Variants in NFIA observed in about 807,000 individuals in gnomAD.
The protein encoded by NFIA is nuclear factor 1 A-type.
A neutral mutation model predicts 62.8 loss-of-function variants in NFIA; 8 were observed. That is an observed-to-expected ratio of 0.13 (90% CI 0.07 to 0.23). The LOEUF is 0.23. NFIA is among the 10% of genes least tolerant of loss of function. NFIA has a pLI of 1.00. For missense variants in NFIA, 410 were observed against 642.1 expected (o/e 0.64, Z 3.91); for synonymous variants, 235 against 238.1 (o/e 0.99, Z 0.12).
intron 2 of NFIA, among the ~76,000 whole-genome samples, chr1:61,134,438 TGTAGTGGAAA>T (rs1427251904): frequency 6.6e-6 from 1 of 152,188 alleles, no homozygotes; most frequent in Non-Finnish European, 1.5e-5. Context: ...TGAGTCAGGC[TGTAGTGGAAA>T]GCGGGGTCTG....
intron 9 of NFIA, among the ~76,000 whole-genome samples, chr1:61,409,330 G>A (rs935089840): frequency 6.6e-6 from 1 of 152,162 alleles, no homozygotes; most frequent in Admixed American, 6.5e-5. Flanking sequence ...TCAGCTAAAG[G>A]CTTTTCTAGG....
At chr1:61,155,429 T>C (rs1311436403) in intron 2 of NFIA, among the ~76,000 whole-genome samples, 2 of 151,028 alleles carry the variant, frequency 1.3e-5, no homozygotes, top group African/African-American at 4.9e-5. Context: ...ATCCCAGCAC[T>C]TTGGGAGGCC....
chr1:61,449,615 T>C (rs555794539), intron 10 of NFIA, among the ~76,000 whole-genome samples: 1 of 152,180 alleles, frequency 6.6e-6, no homozygotes, highest in South Asian at 2.1e-4. Context: ...CTTTGGGGGA[T>C]CCGGAAGAAG....
chr1:61,242,517 A>G (rs1456324807), intron 2 of NFIA, among the ~76,000 whole-genome samples: 1 of 152,216 alleles, frequency 6.6e-6, no homozygotes, highest in Non-Finnish European at 1.5e-5. Flanking sequence ...TACTAAACTA[A>G]GTTGAAAATG....
intron 2 of NFIA, among the ~76,000 whole-genome samples, chr1:61,257,885 C>CT (rs58230415): frequency 0.28 from 31,909 of 115,298 alleles, 4,175 homozygotes; most frequent in Middle Eastern, 0.35. Flanking sequence ...TTCTTTTTTT[C>CT]TTTTTTTTTT....
chr1:61,422,746 TA>T (rs55752729), intron 9 of NFIA, among the ~76,000 whole-genome samples: 147 of 135,560 alleles, frequency 1.1e-3, no homozygotes, highest in Non-Finnish European at 9.6e-4. Flanking sequence ...CGTCTCTATT[TA>T]AAAAAAAAAA....
At chr1:61,176,528 T>C (rs563818940) in intron 2 of NFIA, among the ~76,000 whole-genome samples, 17 of 152,264 alleles carry the variant, frequency 1.1e-4, no homozygotes, top group African/African-American at 3.6e-4. Context: ...CCCCTCTGAT[T>C]GCTTACTTCC....
At chr1:61,184,010 A>G (rs962320145) in intron 2 of NFIA, among the ~76,000 whole-genome samples, 7 of 151,480 alleles carry the variant, frequency 4.6e-5, no homozygotes, top group African/African-American at 1.2e-4. Context: ...AACATTGTCA[A>G]GCTTTTGACA....
chr1:61,081,767 C>A, upstream of NFIA: 1 of 1,136,640 alleles, frequency 8.8e-7, no homozygotes, highest in Non-Finnish European at 1.2e-6. Context: ...CTTCTGAATG[C>A]CACAGGACCG....
intron 5 of NFIA, among the ~76,000 whole-genome samples, chr1:61,355,603 T>C (rs1187611403): frequency 6.6e-6 from 1 of 151,918 alleles, no homozygotes; most frequent in Admixed American, 6.6e-5. Flanking sequence ...TTTTCTCCAA[T>C]AGAGACAGAG....
chr1:61,426,506 A>G lies in NFIA; in HGVS notation c.1462A>G (p.Ser488Gly), dbSNP rs1234348922. 8 of 1,551,922 alleles carry G rather than the reference A, an allele frequency of 5.2e-6. No individual in the cohort carries two copies. Among genetic ancestry groups the G allele is most frequent in the South Asian group, 1.2e-5 (1 of 84,044 alleles). Reference protein sequence around the residue: ...PSTSPANRFVSVGPRDPSFVN... With the variant: ...PSTSPANRFVGVGPRDPSFVN... Reference sequence around the variant, plus strand: ...CACCTCCCCCGCAAACCGATTCGTCAGTGTTGGACCACGGGATCCAAGCTT... The same window carrying G: ...CACCTCCCCCGCAAACCGATTCGTCGGTGTTGGACCACGGGATCCAAGCTT... The change falls in exon 10 of 11, where the codon AGT becomes GGT. Residue 488 changes from serine (S) to glycine (G), a missense_variant. Around this residue, in one of 3 missense-constraint regions of NFIA, gnomAD observed 298 missense variants for 438.1 expected, o/e 0.68. Coordinates refer to ENST00000403491, the MANE Select transcript of NFIA (RefSeq NM_001134673.4).
chr1:61,283,398 C>T (rs1202808054), intron 3 of NFIA, among the ~76,000 whole-genome samples: 5 of 149,704 alleles, frequency 3.3e-5, no homozygotes, highest in African/African-American at 7.4e-5. Flanking sequence ...TGGTAAAACC[C>T]GGTCTCTACT....
At chr1:61,220,743 A>C (rs371128744) in intron 2 of NFIA, among the ~76,000 whole-genome samples, 1 of 152,220 alleles carries the variant, frequency 6.6e-6, no homozygotes, top group Non-Finnish European at 1.5e-5. Flanking sequence ...GCTGAAACCC[A>C]CAATAACCCC....
intron 2 of NFIA, among the ~76,000 whole-genome samples, chr1:61,162,183 T>C (rs995553111): frequency 3.9e-5 from 6 of 152,182 alleles, no homozygotes; most frequent in African/African-American, 1.4e-4. Flanking sequence ...ACCTGTTCTT[T>C]CTCCCAGAAG....
chr1:61,118,063 T>C (rs771283680), intron 2 of NFIA, among the ~76,000 whole-genome samples: 11 of 151,852 alleles, frequency 7.2e-5, no homozygotes, highest in Non-Finnish European at 1.3e-4. Flanking sequence ...CAGGCGCCTG[T>C]GATCCCAGCT....
At chr1:61,283,132 G>A (rs973601581) in intron 3 of NFIA, among the ~76,000 whole-genome samples, 2 of 152,132 alleles carry the variant, frequency 1.3e-5, no homozygotes, top group Non-Finnish European at 2.9e-5. Context: ...GTTAAAAGAG[G>A]TATCATTGTT....
At position 61,239,194 on chromosome 1, in the gene NFIA, C is replaced by G. The variant is rs140299223; in HGVS notation, c.560-38326C>G. On this transcript the variant is annotated intron_variant, in intron 2 of 10. Coordinates refer to ENST00000403491, the MANE Select transcript of NFIA (RefSeq NM_001134673.4). ...GTATCCATTTGGGAAAACCTGGTGT[C>G]TTTTCTTAGTAGTACTCTAGAATGG... Among the ~76,000 whole-genome samples the G allele has an allele frequency of 3.7e-3, 556 of 152,204 alleles. 1 individual carries two copies. The highest frequency in any genetic ancestry group is 0.013 in the African/African-American group (528 of 41,524).
At chr1:61,252,906 CA>C (rs1289204114) in intron 2 of NFIA, among the ~76,000 whole-genome samples, 2 of 152,098 alleles carry the variant, frequency 1.3e-5, no homozygotes, top group Admixed American at 1.3e-4. Context: ...CTACTCTTTA[CA>C]GAGTTTTAGA....
intron 2 of NFIA, among the ~76,000 whole-genome samples, chr1:61,213,649 A>G (rs1653405972): frequency 6.6e-6 from 1 of 152,170 alleles, no homozygotes; most frequent in African/African-American, 2.4e-5. Flanking sequence ...CAGAGTATTT[A>G]TGATTGCTTG....
Sources: allele counts gnomAD v4.1 joint callset (sites outside exome capture counted in the v4.1 genomes callset), GRCh38; gene constraint gnomAD v4.1.1; regional missense constraint gnomAD v4.1.1; transcripts MANE v1.5; gene names NCBI Gene and HGNC (gene_info 2026-07-23, HGNC 2026-07-21).